ECHS1: variants seen among roughly 807,000 people sequenced by gnomAD.
ECHS1 encodes the protein enoyl-CoA hydratase, short chain 1.
ECHS1 carries 19 observed loss-of-function variants against 33.5 expected under a neutral mutation model. That is an observed-to-expected ratio of 0.57 (90% CI 0.40 to 0.83). ECHS1 has a LOEUF of 0.83. ECHS1 is among the 40% of genes least tolerant of loss of function. The pLI is 0.00. For missense variants in ECHS1, 365 were observed against 381.3 expected, an observed-to-expected ratio of 0.96 and a Z score of 0.36; for synonymous variants, 158 against 146.6, an observed-to-expected ratio of 1.08 and a Z score of -0.56.
Position 133,362,577 on chromosome 10 carries a change from A to C in ECHS1, c.*291T>G, listed in dbSNP as rs971269703. 1 of 492,534 alleles carries C rather than the reference A, an allele frequency of 2.0e-6. No homozygotes were observed. Among genetic ancestry groups the C allele is most frequent in the South Asian group, 2.3e-5 (1 of 42,570 alleles). 30.5% of individuals were successfully genotyped at this position (492,534 alleles called of 1,614,324 possible). A position where few individuals can be genotyped will look rare whatever the true frequency, so the allele number is the denominator to read the frequency against. ...AGCCCCATTCTTCAGCGGCAGGGAC[A>C]CAAGGACCCGCAGGCCCCGCTTTCC... On this transcript the variant is annotated 3_prime_UTR_variant, in exon 8 of 8. Coordinates refer to ENST00000368547, the MANE Select transcript of ECHS1 (RefSeq NM_004092.4).
Position 133,362,763 on chromosome 10 carries a change from A to C in ECHS1, c.*105T>G. Reference sequence around the variant, plus strand: ...CGCAGCAATTGGAGAGGAACTGCACACCACGGACACTGCTCTTGAAAAGAG... The same window carrying C: ...CGCAGCAATTGGAGAGGAACTGCACCCCACGGACACTGCTCTTGAAAAGAG... On this transcript the variant is annotated 3_prime_UTR_variant, in exon 8 of 8. Coordinates refer to ENST00000368547, the MANE Select transcript of ECHS1 (RefSeq NM_004092.4). 1.5e-6 allele frequency: 2 copies of C among 1,325,894 alleles called. No individual in the cohort carries two copies. Among genetic ancestry groups the C allele is most frequent in the Non-Finnish European group, 1.1e-6 (1 of 920,272 alleles). The allele number at this position is 1,325,894 out of a possible 1,614,324, so 82.1% of individuals were successfully genotyped here. A position where few individuals can be genotyped will look rare whatever the true frequency, so the allele number is the denominator to read the frequency against.
At chr10:133,372,968 G>A (rs1459098343) in intron 1 of ECHS1, among the ~76,000 whole-genome samples, 1 of 44,462 alleles carries the variant, frequency 2.2e-5, no homozygotes, top group African/African-American at 9.9e-5. Context: ...GGGGGGGTGC[G>A]GGGTCAGGCG....
rs1192519981 is a variant in ECHS1 at position 133,369,954 on chromosome 10, G to T, written c.364C>A (p.His122Asn). ...YSSKFLKHWD[H>N]LTQVKKPVIA... The stretch of plus-strand genomic sequence containing the variant: ...ACTGGCTTCTTGACCTGGGTGAGGT[G>T]GTCCCAGTGCTTCAAGAACTTGCTG... The change falls in exon 3 of 8, where the codon CAC (histidine) becomes AAC (asparagine). Residue 122 changes from histidine to asparagine, a missense_variant. By Grantham distance (68) the His-to-Asn change is moderately conservative (BLOSUM62 1). Transcript: ENST00000368547. 2 of 1,613,760 alleles carry T rather than the reference G, an allele frequency of 1.2e-6. No homozygotes were observed. Among genetic ancestry groups the T allele is most frequent in the Non-Finnish European group, 1.7e-6 (2 of 1,179,998 alleles).
At chr10:133,363,628 A>G (rs912912664) in intron 7 of ECHS1, among the ~76,000 whole-genome samples, 4 of 152,142 alleles carry the variant, frequency 2.6e-5, no homozygotes, top group African/African-American at 9.7e-5. Context: ...TACTAAAAAT[A>G]CAAAAATTAG....
chr10:133,362,792 G>A lies in ECHS1; in HGVS notation c.*76C>T. The A allele has an allele frequency of 2.7e-6, 4 of 1,501,508 alleles. No individual in the cohort carries two copies. In the South Asian group the frequency reaches 4.5e-5, roughly 17 times the overall value. The allele number at this position is 1,501,508 out of a possible 1,614,324, so 93.0% of individuals were successfully genotyped here. On this transcript the variant is annotated 3_prime_UTR_variant, in exon 8 of 8. Coordinates refer to ENST00000368547, the MANE Select transcript of ECHS1 (RefSeq NM_004092.4). ...CGGACACTGCTCTTGAAAAGAGGAT[G>A]ATTTACTTGCTTCTAAAACTGACAG...
chr10:133,366,444 G>A (rs1055971956), intron 5 of ECHS1, among the ~76,000 whole-genome samples: 1 of 152,258 alleles, frequency 6.6e-6, no homozygotes. Context: ...GCAATTGCTG[G>A]GCTGTTATTC....
rs1289739054 is a variant in ECHS1, at chr10:133,362,625, G to C, written c.*243C>G. The C allele has an allele frequency of 1.8e-6, 1 of 555,322 alleles. No homozygotes were observed. The highest frequency in any genetic ancestry group is 3.1e-5 in the Admixed American group (1 of 32,550). 34.4% of individuals were successfully genotyped at this position (555,322 alleles called of 1,614,324 possible). On this transcript the variant is annotated 3_prime_UTR_variant, in exon 8 of 8. Coordinates refer to ENST00000368547, the MANE Select transcript of ECHS1 (RefSeq NM_004092.4). Reference sequence around the variant, plus strand: ...TCCGTCCGAGCACAGCATGCCCAGAGGGACCAGCGGGGGCTCCTCAGCAGA... The same window carrying C: ...TCCGTCCGAGCACAGCATGCCCAGACGGACCAGCGGGGGCTCCTCAGCAGA...
Position 133,369,947 on chromosome 10 carries a change from G to C in ECHS1, c.371C>G (p.Thr124Ser), listed in dbSNP as rs144111890. 1 of 1,613,748 alleles carries C rather than the reference G, an allele frequency of 6.2e-7. No individual in the cohort carries two copies. The highest frequency in any genetic ancestry group is 8.5e-7 in the Non-Finnish European group (1 of 1,180,004). ...AGCGATGACTGGCTTCTTGACCTGG[G>C]TGAGGTGGTCCCAGTGCTTCAAGAA... ...SKFLKHWDHLTQVKKPVIAAV... is the reference protein window; with the variant it reads ...SKFLKHWDHLSQVKKPVIAAV... The change falls in exon 3 of 8, where the codon ACC (threonine) becomes AGC (serine). Residue 124 changes from threonine (T) to serine (S), a missense_variant. Transcript: ENST00000368547.
chr10:133,371,322 A>G (rs1287287063), intron 1 of ECHS1, among the ~76,000 whole-genome samples: 1 of 152,130 alleles, frequency 6.6e-6, no homozygotes, highest in African/African-American at 2.4e-5. Context: ...CACAGAACAC[A>G]GCCCACAGCC....
chr10:133,371,883 G>T (rs1849113828), intron 1 of ECHS1, among the ~76,000 whole-genome samples: 1 of 152,106 alleles, frequency 6.6e-6, no homozygotes, highest in Non-Finnish European at 1.5e-5. Context: ...TGCGACCTCT[G>T]CCTACAGGGT....
At chr10:133,370,082 C>A (rs1311475662) in intron 2 of ECHS1, 51 bp from the exon 3 acceptor site, 1 of 1,607,180 alleles carries the variant, frequency 6.2e-7, no homozygotes, top group Admixed American at 1.7e-5. Flanking sequence ...GAGAGCCCAC[C>A]CATCCTATAT....
Position 133,362,792 on chromosome 10 carries a change from G to T in ECHS1, c.*76C>A. On this transcript the variant is annotated 3_prime_UTR_variant, in exon 8 of 8. Transcript: ENST00000368547. ...CGGACACTGCTCTTGAAAAGAGGAT[G>T]ATTTACTTGCTTCTAAAACTGACAG... The T allele has an allele frequency of 6.7e-7, 1 of 1,501,506 alleles. No individual in the cohort carries two copies. Among genetic ancestry groups the T allele is most frequent in the Non-Finnish European group, 9.3e-7 (1 of 1,077,696 alleles). 93.0% of individuals were successfully genotyped at this position (1,501,506 alleles called of 1,614,324 possible). A position where few individuals can be genotyped will look rare whatever the true frequency, so the allele number is the denominator to read the frequency against.
Position 133,362,947 on chromosome 10 carries a change from G to C in ECHS1, c.808-14C>G, listed in dbSNP as rs772958061. On this transcript the variant is annotated splice_polypyrimidine_tract_variant and intron_variant, in intron 7 of 7. Transcript: ENST00000368547. ...TTTCCGGTCATCCTGGCAGGAAAAGGAACAGAAACAGAGCTGGACGCGCAG... is the reference window on the plus strand; with the variant it reads ...TTTCCGGTCATCCTGGCAGGAAAAGCAACAGAAACAGAGCTGGACGCGCAG... 6.2e-7 allele frequency: 1 copy of C among 1,613,954 alleles called. No individual in the cohort carries two copies. The highest frequency in any genetic ancestry group is 8.5e-7 in the Non-Finnish European group (1 of 1,179,978).
chr10:133,369,214 G>T (rs905461467), intron 3 of ECHS1, among the ~76,000 whole-genome samples, 192 bp from the exon 4 acceptor site: 1 of 152,152 alleles, frequency 6.6e-6, no homozygotes, highest in Admixed American at 6.5e-5. Context: ...ACCAGGGGCT[G>T]GCAAACATCC....
chr10:133,370,406 C>T (rs896596737), intron 2 of ECHS1, among the ~76,000 whole-genome samples, 154 bp downstream of exon 2: 1 of 152,248 alleles, frequency 6.6e-6, no homozygotes, highest in Admixed American at 6.5e-5. Context: ...TCATGCAAGC[C>T]GTTCCCATGA....
Position 133,368,935 on chromosome 10 carries a change from C to CT in ECHS1, c.501dup (p.Gly168ArgfsTer29). ...TGTCACTCTTTACCTGGGATGGTTC[C>CT]TATTAAGATCTCCGGCTGTGCAAAC... On this transcript the variant is annotated frameshift_variant, in exon 4 of 8. Transcript: ENST00000368547. LOFTEE classifies it high-confidence loss of function. 6.2e-7 allele frequency: 1 copy of CT among 1,613,622 alleles called. No individual in the cohort carries two copies. Among genetic ancestry groups the CT allele is most frequent in the Non-Finnish European group, 8.5e-7 (1 of 1,179,870 alleles).
intron 4 of ECHS1, among the ~76,000 whole-genome samples, chr10:133,367,218 G>C (rs898352104): frequency 1.1e-4 from 16 of 152,192 alleles, no homozygotes; most frequent in African/African-American, 3.6e-4. Flanking sequence ...GATTACCTAG[G>C]TGCCGAGGCA....
Position 133,366,979 on chromosome 10 carries a change from G to T in ECHS1, c.529C>A (p.Gln177Lys). 1 of 1,611,652 alleles carries T rather than the reference G, an allele frequency of 6.2e-7. No homozygotes were observed. The change falls in exon 5 of 8, where the codon CAG (glutamine) becomes AAG (lysine). Residue 177 changes from glutamine (Q) to lysine (K), a missense_variant. By Grantham distance (53) the Gln-to-Lys change is moderately conservative (BLOSUM62 1). Coordinates refer to ENST00000368547, the MANE Select transcript of ECHS1 (RefSeq NM_004092.4). Reference protein sequence around the residue: ...IGTIPGAGGTQRLTRAVGKSL... With the variant: ...IGTIPGAGGTKRLTRAVGKSL... ...TTCCCAACAGCACGGGTGAGTCTCT[G>T]GGTGCCGCCCGCACCTGCAGGGAGG...
intron 4 of ECHS1, among the ~76,000 whole-genome samples, chr10:133,367,401 G>A (rs567736913): frequency 1.3e-5 from 2 of 151,270 alleles, no homozygotes; most frequent in Non-Finnish European, 2.9e-5. Flanking sequence ...ATATAACCAA[G>A]AAATAACTGG....
Sources: allele counts gnomAD v4.1 joint callset (sites outside exome capture counted in the v4.1 genomes callset), GRCh38; gene constraint gnomAD v4.1.1; transcripts MANE v1.5; gene names NCBI Gene and HGNC (gene_info 2026-07-23, HGNC 2026-07-21).